The following RASGRF2 variants were observed in gnomAD, a reference collection of about 807,000 sequenced individuals.
RASGRF2 encodes Ras protein specific guanine nucleotide releasing factor 2, also known as ras-specific guanine nucleotide-releasing factor 2.
In RASGRF2, 76 loss-of-function variants were observed where a neutral mutation model predicts 151.0. That is an observed-to-expected ratio of 0.50 (90% CI 0.42 to 0.61). The LOEUF is 0.61. Among genes scored for constraint, RASGRF2 ranks in the 20% least tolerant of loss-of-function variants. The probability of loss-of-function intolerance (pLI) is 0.00; values close to 1 mark genes in which losing one functional copy is unlikely to be tolerated. For synonymous variants in RASGRF2, 504 were observed against 566.5 expected, an observed-to-expected ratio of 0.89 and a Z score of 1.57; for missense variants, 1,148 against 1,564.6, an observed-to-expected ratio of 0.73 and a Z score of 4.49.
chr5:81,178,270 A>T (rs1023633495), intron 17 of RASGRF2, among the ~76,000 whole-genome samples: 1 of 152,240 alleles, frequency 6.6e-6, no homozygotes, highest in Admixed American at 6.5e-5. Flanking sequence ...ATTAGGAAAC[A>T]GCATAAAGAT....
chr5:81,028,820 C>A (rs1750131594), intron 1 of RASGRF2, among the ~76,000 whole-genome samples: 1 of 152,066 alleles, frequency 6.6e-6, no homozygotes, highest in Non-Finnish European at 1.5e-5. Flanking sequence ...TGGGTGCAGC[C>A]CATGGAGCAT....
chr5:81,006,272 C>T (rs968479619), intron 1 of RASGRF2, among the ~76,000 whole-genome samples: 3 of 152,092 alleles, frequency 2.0e-5, no homozygotes, highest in African/African-American at 7.2e-5. Context: ...TAGTCATGCT[C>T]AATGCACAGT....
At chr5:80,963,224 T>G (rs75970017) in intron 1 of RASGRF2, among the ~76,000 whole-genome samples, 2,903 of 152,306 alleles carry the variant, frequency 0.019, 41 homozygotes, top group South Asian at 0.059. Context: ...ATCCAGACAC[T>G]GAGACACGAA....
chr5:81,080,493 T>C (rs1231352648), intron 6 of RASGRF2, 103 bp from the exon 7 acceptor site: 2 of 1,241,248 alleles, frequency 1.6e-6, no homozygotes, highest in East Asian at 2.3e-5. Flanking sequence ...GCTCCATGCA[T>C]GTGTGACACC....
chr5:81,173,855 G>C (rs956237768), intron 17 of RASGRF2, among the ~76,000 whole-genome samples: 1 of 152,198 alleles, frequency 6.6e-6, no homozygotes, highest in Non-Finnish European at 1.5e-5. Context: ...CTGCTTTATA[G>C]AGAAAACTTC....
chr5:81,188,457 A>G (rs1313848058), intron 18 of RASGRF2, among the ~76,000 whole-genome samples: 5 of 152,184 alleles, frequency 3.3e-5, no homozygotes, highest in Non-Finnish European at 5.9e-5. Flanking sequence ...ATTGCATAGA[A>G]GTCATCTAGG....
chr5:81,067,895 A>G (rs999410995), intron 2 of RASGRF2, 137 bp from the exon 3 acceptor site: 9 of 650,080 alleles, frequency 1.4e-5, no homozygotes, highest in Non-Finnish European at 2.1e-5. Flanking sequence ...GCTGAAAGTT[A>G]ACATTTATGT....
intron 17 of RASGRF2, among the ~76,000 whole-genome samples, chr5:81,127,797 A>G (rs564558175): frequency 1.3e-5 from 2 of 151,776 alleles, no homozygotes; most frequent in South Asian, 2.1e-4. Context: ...GGTGTCATAC[A>G]TCTGTAATTC....
intron 17 of RASGRF2, among the ~76,000 whole-genome samples, chr5:81,172,436 T>C (rs1022480965): frequency 4.5e-4 from 3 of 6,712 alleles, no homozygotes; most frequent in Non-Finnish European, 7.3e-4. Flanking sequence ...AGGATGTGCG[T>C]GTGTGTGTGT....
Position 81,141,885 on chromosome 5 carries a change from CA to C in RASGRF2, c.2686+14723del, listed in dbSNP as rs574476886. Among the ~76,000 whole-genome samples the C allele has an allele frequency of 7.2e-5, 11 of 152,258 alleles. 1 individual carries two copies. In the South Asian group the frequency reaches 2.3e-3, roughly 32 times the overall value. On this transcript the variant is annotated intron_variant, in intron 17 of 26. Transcript: ENST00000265080. ...AATGGTATGATCTGGTTAGAGGAAG[CA>C]TGTATTTCTGTATTGAGAATTGGAT...
At chr5:81,042,846 C>A in intron 1 of RASGRF2, 31 bp from the exon 2 acceptor site, 1 of 1,490,624 alleles carries the variant, frequency 6.7e-7, no homozygotes, top group Non-Finnish European at 9.2e-7. Flanking sequence ...AAAAATAGAA[C>A]TAAGTTTTTT....
chr5:81,046,663 C>A (rs912831255), intron 2 of RASGRF2, among the ~76,000 whole-genome samples: 4 of 152,032 alleles, frequency 2.6e-5, no homozygotes, highest in African/African-American at 9.7e-5. Context: ...GTATGGAACT[C>A]TGGACATAAA....
chr5:80,990,221 T>G (rs993338789), intron 1 of RASGRF2, among the ~76,000 whole-genome samples: 2 of 145,546 alleles, frequency 1.4e-5, no homozygotes, highest in African/African-American at 5.0e-5. Context: ...GCCAGATGTT[T>G]TTTTTTTTTT....
At position 81,150,382 on chromosome 5, in the gene RASGRF2, T is replaced by C. The variant is rs139092384; in HGVS notation, c.2686+23219T>C. 3.3e-3 allele frequency among the ~76,000 whole-genome samples: 501 copies of C among 152,344 alleles called. 1 individual carries two copies. Among genetic ancestry groups the C allele is most frequent in the Middle Eastern group, 3.4e-3 (1 of 294 alleles). ...TGAGGATTAAATGAGGTGAACCATG[T>C]GCAGTTCTTAGCTCAGCACTTGGAA... On this transcript the variant is annotated intron_variant, in intron 17 of 26. Transcript: ENST00000265080.
intron 17 of RASGRF2, among the ~76,000 whole-genome samples, chr5:81,130,650 C>T (rs901261598): frequency 3.3e-5 from 5 of 152,044 alleles, no homozygotes; most frequent in Non-Finnish European, 5.9e-5. Flanking sequence ...GACAGGTGTT[C>T]AAAGGAAGAG....
At chr5:80,994,950 T>A (rs1748786882) in intron 1 of RASGRF2, among the ~76,000 whole-genome samples, 1 of 152,156 alleles carries the variant, frequency 6.6e-6, no homozygotes, top group South Asian at 2.1e-4. Flanking sequence ...TGGAATATTT[T>A]TTTCACCTCC....
intron 17 of RASGRF2, among the ~76,000 whole-genome samples, chr5:81,161,744 C>T (rs1043967626): frequency 6.6e-6 from 1 of 152,122 alleles, no homozygotes; most frequent in Non-Finnish European, 1.5e-5. Flanking sequence ...CAGAGATTCC[C>T]ATATATGAAC....
Position 81,068,126 on chromosome 5 carries a change from C to T in RASGRF2, c.490C>T (p.Leu164Phe), listed in dbSNP as rs1751665085. 3 of 1,613,590 alleles carry T rather than the reference C, an allele frequency of 1.9e-6. No individual in the cohort carries two copies. The highest frequency in any genetic ancestry group is 2.2e-5 in the South Asian group (2 of 90,944). ...GACAGAAAAAATTGCAGCTAACCAACTCCGACATCAACTTGAAGATCAAGA... is the reference window on the plus strand; with the variant it reads ...GACAGAAAAAATTGCAGCTAACCAATTCCGACATCAACTTGAAGATCAAGA... Reference protein sequence around the residue: ...VETEKIAANQLRHQLEDQDTE... With the variant: ...VETEKIAANQFRHQLEDQDTE... Residue 164 changes from leucine (L) to phenylalanine (F), a missense_variant, in exon 3 of 27, where the codon CTC becomes TTC. Transcript: ENST00000265080.
intron 17 of RASGRF2, among the ~76,000 whole-genome samples, chr5:81,171,276 G>A (rs1754651336): frequency 6.6e-6 from 1 of 152,166 alleles, no homozygotes. Flanking sequence ...TTCTAGGTGT[G>A]TATGTAGGAT....
Sources: allele counts gnomAD v4.1 joint callset (sites outside exome capture counted in the v4.1 genomes callset), GRCh38; gene constraint gnomAD v4.1.1; transcripts MANE v1.5; gene names NCBI Gene and HGNC (gene_info 2026-07-23, HGNC 2026-07-21).